Variants in EYA2 observed in about 807,000 individuals in gnomAD.
The protein encoded by EYA2 is protein phosphatase EYA2.
Under a neutral mutation model 69.2 loss-of-function variants are expected in EYA2, and 31 were observed. That is an observed-to-expected ratio of 0.45 (90% CI 0.34 to 0.60). The LOEUF is 0.60. EYA2 is among the 20% of genes least tolerant of loss of function. The probability of loss-of-function intolerance (pLI) is 0.02; values close to 1 mark genes in which losing one functional copy is unlikely to be tolerated. For missense variants in EYA2, 622 were observed against 701.2 expected, an observed-to-expected ratio of 0.89 and a Z score of 1.28; for synonymous variants, 257 against 279.4, an observed-to-expected ratio of 0.92 and a Z score of 0.80.
At chr20:47,005,742 C>T (rs1016830134) in intron 4 of EYA2, among the ~76,000 whole-genome samples, 2 of 152,146 alleles carry the variant, frequency 1.3e-5, no homozygotes, top group African/African-American at 2.4e-5. Context: ...TGGTGGAGGA[C>T]GGGGCAGAAA....
chr20:46,971,099 A>ACATG, intron 1 of EYA2, among the ~76,000 whole-genome samples: 1 of 151,912 alleles, frequency 6.6e-6, no homozygotes, highest in African/African-American at 2.4e-5. Context: ...ACACACACAC[A>ACATG]CACACACATG....
rs568748086 is a variant in EYA2, at chr20:47,022,946, A to G, written c.415+6649A>G. Among the ~76,000 whole-genome samples, 3 of 152,224 alleles carry G rather than the reference A, an allele frequency of 2.0e-5. No individual in the cohort carries two copies. In the East Asian group the frequency reaches 5.8e-4, roughly 29 times the overall value. On this transcript the variant is annotated intron_variant, in intron 5 of 15. Transcript: ENST00000327619. Reference sequence around the variant, plus strand: ...CTAAAATTGTGCAACCATCACCACTATCTAATGCCACAGCATTTTTGTCAC... The same window carrying G: ...CTAAAATTGTGCAACCATCACCACTGTCTAATGCCACAGCATTTTTGTCAC...
intron 5 of EYA2, among the ~76,000 whole-genome samples, chr20:47,044,871 T>G (rs1006206432): frequency 6.6e-6 from 1 of 152,124 alleles, no homozygotes; most frequent in African/African-American, 2.4e-5. Context: ...CAAGGAAGCA[T>G]AAATACACTG....
At chr20:47,000,554 A>T (rs1421688964) in intron 2 of EYA2, among the ~76,000 whole-genome samples, 1 of 152,110 alleles carries the variant, frequency 6.6e-6, no homozygotes, top group Non-Finnish European at 1.5e-5. Context: ...TTTGTCCAGG[A>T]CTCTGCAGTG....
intron 1 of EYA2, among the ~76,000 whole-genome samples, chr20:46,937,877 G>A (rs184613356): frequency 9.5e-4 from 145 of 152,212 alleles, no homozygotes; most frequent in East Asian, 3.1e-3. Context: ...CCAGGTCTGC[G>A]TGCCAGGCTC....
intron 7 of EYA2, among the ~76,000 whole-genome samples, chr20:47,088,802 G>A (rs972016547): frequency 2.0e-5 from 3 of 152,186 alleles, no homozygotes; most frequent in Non-Finnish European, 4.4e-5. Context: ...GCCTAGGCTG[G>A]TCTCAAAGCA....
At chr20:47,131,434 T>C (rs1465360089) in intron 9 of EYA2, among the ~76,000 whole-genome samples, 2 of 152,328 alleles carry the variant, frequency 1.3e-5, no homozygotes, top group South Asian at 2.1e-4. Context: ...AATAACCGCA[T>C]TTGGCAATTT....
chr20:47,086,784 C>A (rs1414391845), intron 7 of EYA2, among the ~76,000 whole-genome samples: 1 of 151,662 alleles, frequency 6.6e-6, no homozygotes, highest in Non-Finnish European at 1.5e-5. Flanking sequence ...GGGTAAAGGC[C>A]TGGGTTTTTC....
At chr20:47,022,572 C>G (rs984629506) in intron 5 of EYA2, among the ~76,000 whole-genome samples, 1 of 152,020 alleles carries the variant, frequency 6.6e-6, no homozygotes, top group African/African-American at 2.4e-5. Flanking sequence ...CCTCAGCCCC[C>G]CAGAGTGCTG....
chr20:47,054,964 C>T (rs1404952893), intron 5 of EYA2, among the ~76,000 whole-genome samples: 1 of 152,210 alleles, frequency 6.6e-6, no homozygotes, highest in African/African-American at 2.4e-5. Context: ...GTTCCTCTTT[C>T]TGTCTCTCTT....
intron 1 of EYA2, among the ~76,000 whole-genome samples, chr20:46,902,427 GTTATTA>G (rs1165609595): frequency 6.6e-6 from 1 of 152,168 alleles, no homozygotes; most frequent in Non-Finnish European, 1.5e-5. Flanking sequence ...GGAACGTGCT[GTTATTA>G]TTATTTCTAT....
At chr20:47,181,628 C>T (rs930313912) in intron 14 of EYA2, among the ~76,000 whole-genome samples, 3 of 152,178 alleles carry the variant, frequency 2.0e-5, no homozygotes, top group African/African-American at 7.2e-5. Context: ...TCCACCTCAG[C>T]CCCCAAAGTA....
intron 5 of EYA2, among the ~76,000 whole-genome samples, chr20:47,041,303 T>C (rs1985054850): frequency 6.6e-6 from 1 of 152,228 alleles, no homozygotes; most frequent in Non-Finnish European, 1.5e-5. Flanking sequence ...CTTATGTTAT[T>C]TTGAATAGTG....
rs1169880500 is a variant in EYA2, at chr20:47,002,884, T to C, written c.155+1411T>C. On this transcript the variant is annotated intron_variant, in intron 3 of 15. Coordinates refer to ENST00000327619, the MANE Select transcript of EYA2 (RefSeq NM_005244.5). ...GCATTTTGCAGCAGGTTCCCCCAAA[T>C]AACCCTTTATCGTGGCAGTAGTCTA... Among the ~76,000 whole-genome samples, 4 of 152,318 alleles carry C rather than the reference T, an allele frequency of 2.6e-5. No homozygotes were observed. In the East Asian group the frequency reaches 5.8e-4, roughly 22 times the overall value.
intron 1 of EYA2, among the ~76,000 whole-genome samples, chr20:46,981,018 C>G (rs1178807200): frequency 1.3e-5 from 2 of 152,156 alleles, no homozygotes; most frequent in Non-Finnish European, 2.9e-5. Context: ...GTGGAGTGCG[C>G]TGACATTTGA....
At chr20:46,998,454 T>C (rs1209199863) in intron 2 of EYA2, 1 of 152,230 alleles carries the variant, frequency 6.6e-6, no homozygotes, top group Non-Finnish European at 1.5e-5. Flanking sequence ...CAGGGTGGAC[T>C]TCCTGGTCCA....
At chr20:47,101,322 A>C (rs754508317) in intron 9 of EYA2, among the ~76,000 whole-genome samples, 3 of 152,302 alleles carry the variant, frequency 2.0e-5, no homozygotes, top group South Asian at 4.1e-4. Context: ...CTTGGGCTCA[A>C]GTGATTCTCC....
rs1047697169 is a variant in EYA2, at chr20:47,081,600, G to A, written c.661+7265G>A. On this transcript the variant is annotated intron_variant, in intron 7 of 15. Transcript: ENST00000327619. ...TCAAGACCAGCCTGGCCAACATGGC[G>A]AAACCCCGTCTCTACTAAAAATACA... is the stretch of plus-strand genomic sequence containing the variant. Among the ~76,000 whole-genome samples the A allele has an allele frequency of 5.7e-4, 86 of 151,694 alleles. 1 individual carries two copies. The highest frequency in any genetic ancestry group is 1.9e-3 in the African/African-American group (77 of 41,438).
chr20:47,102,909 A>G (rs538040116), intron 9 of EYA2, among the ~76,000 whole-genome samples: 2 of 152,252 alleles, frequency 1.3e-5, no homozygotes, highest in Admixed American at 1.3e-4. Flanking sequence ...GGTATTAGGC[A>G]AATGCAAGGT....
Sources: gnomAD v4.1 joint callset for allele counts (sites outside exome capture counted in the v4.1 genomes callset) on GRCh38, gnomAD v4.1.1 for gene constraint, MANE v1.5 for transcripts, NCBI Gene and HGNC (gene_info 2026-07-23, HGNC 2026-07-21) for gene names.